Variants in PAM observed in about 807,000 individuals in gnomAD.
The protein encoded by PAM is peptidylglycine alpha-amidating monooxygenase.
A neutral mutation model predicts 122.1 loss-of-function variants in PAM; 72 were observed. The observed-to-expected ratio is 0.59, with a 90% CI of 0.49 to 0.72. PAM has a LOEUF of 0.72. Among genes scored for constraint, PAM ranks in the 30% least tolerant of loss-of-function variants. The probability of loss-of-function intolerance (pLI) is 0.00; values close to 1 mark genes in which losing one functional copy is unlikely to be tolerated. For synonymous variants in PAM, 389 were observed against 404.4 expected (o/e 0.96, Z 0.46); for missense variants, 1,106 against 1,183.7 (o/e 0.93, Z 0.96).
intron 7 of PAM, among the ~76,000 whole-genome samples, chr5:102,938,383 A>C (rs1753981244): frequency 6.6e-6 from 1 of 152,196 alleles, no homozygotes; most frequent in South Asian, 2.1e-4. Flanking sequence ...TATGTAAAGC[A>C]CTACAGTTAT....
chr5:102,798,797 G>T (rs1471747085), intron 1 of PAM, among the ~76,000 whole-genome samples: 6 of 152,134 alleles, frequency 3.9e-5, no homozygotes, highest in Non-Finnish European at 5.9e-5. Flanking sequence ...AGGAAGGAAA[G>T]CATGGTGGGT....
chr5:102,822,388 G>C (rs1561540022), intron 1 of PAM, among the ~76,000 whole-genome samples: 1 of 152,074 alleles, frequency 6.6e-6, no homozygotes, highest in Non-Finnish European at 1.5e-5. Flanking sequence ...CCACCGACGA[G>C]CACATACACG....
At chr5:102,839,103 C>T (rs1003770823) in intron 1 of PAM, among the ~76,000 whole-genome samples, 3 of 152,158 alleles carry the variant, frequency 2.0e-5, no homozygotes, top group African/African-American at 7.2e-5. Flanking sequence ...ACAGAACCAC[C>T]ACCCAGGTCA....
intron 3 of PAM, among the ~76,000 whole-genome samples, chr5:102,870,577 T>G (rs1460496010): frequency 6.6e-6 from 1 of 152,244 alleles, no homozygotes; most frequent in Non-Finnish European, 1.5e-5. Context: ...TATTATCTGT[T>G]GCAATATCAA....
chr5:102,869,548 A>G lies in PAM; in HGVS notation c.210+2155A>G, dbSNP rs1163540825. Among the ~76,000 whole-genome samples the G allele has an allele frequency of 2.6e-5, 4 of 152,220 alleles. No individual in the cohort carries two copies. The East Asian group carries it at 7.7e-4, about 29-fold the overall frequency. The stretch of plus-strand genomic sequence containing the variant: ...GACAGCTCAGAACTGCTTGTTGAAT[A>G]TTTCTTCCATTTTTTTCCCATCACT... On this transcript the variant is annotated intron_variant, in intron 3 of 25. Transcript: ENST00000438793.
At chr5:102,809,586 C>T (rs1767312735) in intron 1 of PAM, among the ~76,000 whole-genome samples, 1 of 152,048 alleles carries the variant, frequency 6.6e-6, no homozygotes, top group South Asian at 2.1e-4. Flanking sequence ...TTAGACTGTC[C>T]CTCCCTAGAG....
At chr5:102,837,205 G>A (rs1369312822) in intron 1 of PAM, among the ~76,000 whole-genome samples, 1 of 152,060 alleles carries the variant, frequency 6.6e-6, no homozygotes, top group Non-Finnish European at 1.5e-5. Context: ...GTATTTCAGA[G>A]GCTTTCCTGA....
At chr5:102,924,433 CAAA>C (rs989089756) in intron 5 of PAM, among the ~76,000 whole-genome samples, 3 of 52,216 alleles carry the variant, frequency 5.7e-5, no homozygotes, top group Non-Finnish European at 4.4e-5. Flanking sequence ...AACTCCGTCT[CAAA>C]AAAAAAAAAA....
intron 23 of PAM, 88 bp from the exon 24 acceptor site, chr5:103,025,043 A>C (rs17296280): frequency 0.3 from 252,576 of 843,236 alleles, 39,938 homozygotes; most frequent in East Asian, 0.38. Flanking sequence ...CTTTGTGAAC[A>C]GTTATTGATT....
At chr5:102,920,051 A>G (rs566922706) in intron 5 of PAM, among the ~76,000 whole-genome samples, 1 of 152,226 alleles carries the variant, frequency 6.6e-6, no homozygotes, top group African/African-American at 2.4e-5. Flanking sequence ...GCACAGATCC[A>G]GAACTGTGAA....
At chr5:103,007,772 T>TTTTTTTTTTTTTTTTTTTTTTTTTTTTG (rs1779480434) in intron 20 of PAM, 115 bp downstream of exon 20, 1 of 657,334 alleles carries the variant, frequency 1.5e-6, no homozygotes, top group African/African-American at 1.8e-5. Context: ...TTTCACATCT[T>TTTTTTTTTTTTTTTTTTTTTTTTTTTTG]AAAAGTATCT....
chr5:102,768,860 T>G (rs1193987991), intron 1 of PAM, among the ~76,000 whole-genome samples: 2 of 152,026 alleles, frequency 1.3e-5, no homozygotes, highest in Admixed American at 6.6e-5. Context: ...CAGTGGGACA[T>G]ATATACCCCA....
intron 1 of PAM, among the ~76,000 whole-genome samples, chr5:102,844,497 A>G (rs1200959921): frequency 1.3e-5 from 2 of 151,962 alleles, no homozygotes; most frequent in Non-Finnish European, 2.9e-5. Context: ...CGAGACCCCC[A>G]TCTCTACAAA....
intron 4 of PAM, among the ~76,000 whole-genome samples, chr5:102,904,500 TTGAA>T (rs1798947427): frequency 6.6e-6 from 1 of 151,560 alleles, no homozygotes; most frequent in African/African-American, 2.4e-5. Flanking sequence ...CCTTTCTACC[TTGAA>T]TTATATTCTA....
chr5:102,946,457 T>C (rs1757065873), intron 7 of PAM, among the ~76,000 whole-genome samples: 1 of 151,668 alleles, frequency 6.6e-6, no homozygotes, highest in South Asian at 2.1e-4. Flanking sequence ...AAAAGTCTTT[T>C]GTTTGGTGCA....
chr5:102,941,441 C>T (rs1233769129), intron 7 of PAM, among the ~76,000 whole-genome samples: 3 of 152,214 alleles, frequency 2.0e-5, no homozygotes, highest in Non-Finnish European at 4.4e-5. Context: ...GTTTATTTAG[C>T]ACTGAAGGTC....
rs1338559977 is a variant in PAM at position 102,842,224 on chromosome 5, A to G, written c.-373-23599A>G. ...AACCTAAATATATATATATATATATATATCTCCACATATGTGTAAATGCAT... is the reference window on the plus strand; with the variant it reads ...AACCTAAATATATATATATATATATGTATCTCCACATATGTGTAAATGCAT... On this transcript the variant is annotated intron_variant, in intron 1 of 25. Transcript: ENST00000438793. 2.0e-5 allele frequency among the ~76,000 whole-genome samples: 3 copies of G among 151,518 alleles called. No individual in the cohort carries two copies. The South Asian group carries it at 6.2e-4, about 31-fold the overall frequency.
At chr5:102,863,629 G>T (rs1784733435) in intron 1 of PAM, among the ~76,000 whole-genome samples, 1 of 149,022 alleles carries the variant, frequency 6.7e-6, no homozygotes, top group South Asian at 2.1e-4. Context: ...TTGAAACTAA[G>T]GGTTTTTTTT....
rs1212996126 is a variant in PAM, at chr5:103,019,797, A to G, written c.2439A>G (p.Glu813=). ...CTTGTTGTGTTGTTACAGAATTGGA[A>G]CATCGATCAGTTAAAAAGGCTGGCA... The part of the protein sequence containing the change: ...VWKFTLTEKL[E]HRSVKKAGIE... Residue 813 remains glutamate (E), a synonymous_variant, in exon 23 of 26, where the codon GAA becomes GAG. Coordinates refer to ENST00000438793, the MANE Select transcript of PAM (RefSeq NM_001177306.2). The G allele has an allele frequency of 6.2e-6, 10 of 1,603,844 alleles. No individual in the cohort carries two copies. The highest frequency in any genetic ancestry group is 2.2e-5 in the East Asian group (1 of 44,772).
Sources: allele counts gnomAD v4.1 joint callset (sites outside exome capture counted in the v4.1 genomes callset), GRCh38; gene constraint gnomAD v4.1.1; transcripts MANE v1.5; gene names NCBI Gene and HGNC (gene_info 2026-07-23, HGNC 2026-07-21).